The following GRIN2A variants were observed in gnomAD, a reference collection of about 807,000 sequenced individuals.
GRIN2A encodes glutamate ionotropic receptor NMDA type subunit 2A, also known as glutamate receptor ionotropic, NMDA 2A.
Under a neutral mutation model 113.4 loss-of-function variants are expected in GRIN2A, and 22 were observed. The ratio of observed to expected loss-of-function variants is 0.19; its 90% confidence interval spans 0.14 to 0.28. GRIN2A has a LOEUF of 0.28. Among genes scored for constraint, GRIN2A ranks in the 10% least tolerant of loss-of-function variants. GRIN2A has a pLI of 1.00. For missense variants in GRIN2A, 1,502 were observed against 1,887.0 expected, an observed-to-expected ratio of 0.80 and a Z score of 3.78; for synonymous variants, 827 against 738.4, an observed-to-expected ratio of 1.12 and a Z score of -1.94.
chr16:10,007,148 T>A lies in GRIN2A; in HGVS notation c.415-68597A>T, dbSNP rs541488467. Among the ~76,000 whole-genome samples the A allele has an allele frequency of 2.6e-5, 4 of 152,344 alleles. No homozygotes were observed. In the South Asian group the frequency reaches 8.3e-4, roughly 32 times the overall value. Reference sequence around the variant, plus strand: ...ATTTCCCCTTCTTTGGGTATATAGTTGACAGCGGAATTGCTGGATCATATG... The same window carrying A: ...ATTTCCCCTTCTTTGGGTATATAGTAGACAGCGGAATTGCTGGATCATATG... On this transcript the variant is annotated intron_variant, in intron 2 of 12. Coordinates refer to ENST00000330684, the MANE Select transcript of GRIN2A (RefSeq NM_001134407.3).
Position 9,763,374 on chromosome 16 carries a change from C to A in GRIN2A, c.4170G>T (p.Ser1390=), listed in dbSNP as rs1057522803. Residue 1390 remains serine (S), a synonymous_variant, in exon 13 of 13, where the codon TCG becomes TCT. Transcript: ENST00000330684. The part of the protein sequence containing the change: ...GRCPSDPYKH[S]LPSQAVNDSY... ...TGTCATTCACCGCCTGGGATGGCAA[C>A]GAGTGTTTGTAAGGGTCCGAGGGGC... 1 of 1,614,100 alleles carries A rather than the reference C, an allele frequency of 6.2e-7. No individual in the cohort carries two copies.
At chr16:10,067,377 AC>A (rs1327912688) in intron 2 of GRIN2A, among the ~76,000 whole-genome samples, 1 of 151,032 alleles carries the variant, frequency 6.6e-6, no homozygotes, top group African/African-American at 2.5e-5. Context: ...CCGTAAACAT[AC>A]TGGTTTATCT....
chr16:9,828,923 G>A (rs2042436229), intron 9 of GRIN2A, among the ~76,000 whole-genome samples: 1 of 152,196 alleles, frequency 6.6e-6, no homozygotes, highest in African/African-American at 2.4e-5. Context: ...CGCTGATGCT[G>A]AGACTGATTT....
chr16:9,973,480 A>T (rs1328567350), intron 2 of GRIN2A, among the ~76,000 whole-genome samples: 2 of 152,178 alleles, frequency 1.3e-5, no homozygotes, highest in Non-Finnish European at 2.9e-5. Context: ...AAAAGTTCCT[A>T]CAAGAAAGAG....
intron 2 of GRIN2A, among the ~76,000 whole-genome samples, chr16:10,123,229 C>A (rs1041287023): frequency 6.6e-6 from 1 of 152,112 alleles, no homozygotes; most frequent in Non-Finnish European, 1.5e-5. Context: ...ATTGTGTTTG[C>A]CAAAACTTCC....
In GRIN2A at chr16:9,859,572, C is replaced by T. The variant is rs117987589; in HGVS notation, c.1123-9611G>A. 9.2e-5 allele frequency among the ~76,000 whole-genome samples: 14 copies of T among 151,458 alleles called. No homozygotes were observed. In the East Asian group the frequency reaches 2.7e-3, roughly 30 times the overall value. The stretch of plus-strand genomic sequence containing the variant: ...ACACCCACACGTACAACTACAAATA[C>T]ACACATACCTAACACAAACACATAT... On this transcript the variant is annotated intron_variant, in intron 4 of 12. Transcript: ENST00000330684.
chr16:9,801,487 C>G (rs1903358502), intron 10 of GRIN2A, among the ~76,000 whole-genome samples: 1 of 152,234 alleles, frequency 6.6e-6, no homozygotes, highest in Non-Finnish European at 1.5e-5. Flanking sequence ...GAAATCTACA[C>G]ACGTACCTAG....
intron 2 of GRIN2A, among the ~76,000 whole-genome samples, chr16:10,007,083 G>A (rs965143366): frequency 5.3e-5 from 8 of 152,218 alleles, no homozygotes; most frequent in African/African-American, 1.4e-4. Flanking sequence ...GAATAGTGCT[G>A]TAATAAACAT....
chr16:10,126,170 T>C (rs1294057864), intron 2 of GRIN2A, among the ~76,000 whole-genome samples: 1 of 75,420 alleles, frequency 1.3e-5, no homozygotes, highest in African/African-American at 3.9e-5. Context: ...TATATATATA[T>C]ATTTTTTTTT....
intron 2 of GRIN2A, among the ~76,000 whole-genome samples, chr16:10,163,904 C>T (rs1205773743): frequency 6.6e-6 from 1 of 152,208 alleles, no homozygotes; most frequent in African/African-American, 2.4e-5. Flanking sequence ...TTCAATCAGA[C>T]TGGTGGGAAA....
At chr16:10,052,467 G>C (rs1417935265) in intron 2 of GRIN2A, among the ~76,000 whole-genome samples, 1 of 152,182 alleles carries the variant, frequency 6.6e-6, no homozygotes, top group African/African-American at 2.4e-5. Context: ...GAACGGTCAA[G>C]TCCCCAAGAC....
chr16:9,789,973 C>T (rs1902505421), intron 11 of GRIN2A, among the ~76,000 whole-genome samples: 1 of 152,170 alleles, frequency 6.6e-6, no homozygotes. Context: ...TGCCTGGGAA[C>T]ACTATGGATA....
intron 11 of GRIN2A, among the ~76,000 whole-genome samples, chr16:9,769,692 T>A (rs918492045): frequency 6.6e-6 from 1 of 152,154 alleles, no homozygotes; most frequent in Non-Finnish European, 1.5e-5. Context: ...AGAGTCGCCA[T>A]GAGGATTGAA....
intron 11 of GRIN2A, among the ~76,000 whole-genome samples, chr16:9,779,346 T>A (rs532719495): frequency 6.6e-6 from 1 of 152,374 alleles, no homozygotes; most frequent in East Asian, 1.9e-4. Flanking sequence ...TCACTGCTTT[T>A]CAGTTTCTTT....
intron 2 of GRIN2A, among the ~76,000 whole-genome samples, chr16:10,047,707 A>G (rs1006468525): frequency 6.6e-6 from 1 of 152,214 alleles, no homozygotes; most frequent in Non-Finnish European, 1.5e-5. Context: ...GCCAGCATGC[A>G]TGGTGGGTCA....
chr16:9,882,074 C>A (rs1229569348), intron 4 of GRIN2A, among the ~76,000 whole-genome samples: 1 of 151,110 alleles, frequency 6.6e-6, no homozygotes, highest in Non-Finnish European at 1.5e-5. Flanking sequence ...CACACACAAA[C>A]ACACACAGAA....
intron 12 of GRIN2A, among the ~76,000 whole-genome samples, chr16:9,766,441 G>C (rs1900928005): frequency 6.6e-6 from 1 of 152,170 alleles, no homozygotes; most frequent in Non-Finnish European, 1.5e-5. Flanking sequence ...GCAAGTTTGA[G>C]CTGCTCTTTC....
intron 11 of GRIN2A, among the ~76,000 whole-genome samples, chr16:9,775,503 G>A (rs1407517301): frequency 6.6e-6 from 1 of 152,190 alleles, no homozygotes; most frequent in African/African-American, 2.4e-5. Flanking sequence ...TCCTGTGAGA[G>A]AGACAGTCAT....
At chr16:10,017,246 T>A (rs779222059) in intron 2 of GRIN2A, among the ~76,000 whole-genome samples, 1 of 152,154 alleles carries the variant, frequency 6.6e-6, no homozygotes, top group Non-Finnish European at 1.5e-5. Context: ...AAGAAACAGA[T>A]AATCATTACA....
Sources: gnomAD v4.1 joint callset for allele counts (sites outside exome capture counted in the v4.1 genomes callset) on GRCh38, gnomAD v4.1.1 for gene constraint, MANE v1.5 for transcripts, NCBI Gene and HGNC (gene_info 2026-07-23, HGNC 2026-07-21) for gene names.